RABEP1: variants seen among roughly 807,000 people sequenced by gnomAD.
RABEP1 encodes the protein rabaptin, RAB GTPase binding effector protein 1.
A neutral mutation model predicts 123.4 loss-of-function variants in RABEP1; 51 were observed. That is an observed-to-expected ratio of 0.41 (90% CI 0.33 to 0.52). The LOEUF (loss-of-function observed/expected upper bound fraction) is 0.52, where lower values mean the gene tolerates loss of function less well. RABEP1 is among the 20% of genes least tolerant of loss of function. RABEP1 has a pLI of 0.16. For missense variants in RABEP1, 888 were observed against 996.3 expected, an observed-to-expected ratio of 0.89 and a Z score of 1.46; for synonymous variants, 347 against 355.2, an observed-to-expected ratio of 0.98 and a Z score of 0.26.
intron 5 of RABEP1, among the ~76,000 whole-genome samples, chr17:5,342,077 T>C (rs1365462426): frequency 6.6e-6 from 1 of 152,222 alleles, no homozygotes; most frequent in Non-Finnish European, 1.5e-5. Context: ...TACAACAGAT[T>C]GTTAGACCTA....
intron 13 of RABEP1, among the ~76,000 whole-genome samples, chr17:5,376,642 C>T (rs1911015812): frequency 6.6e-6 from 1 of 152,142 alleles, no homozygotes; most frequent in South Asian, 2.1e-4. Flanking sequence ...TAGTACTTTG[C>T]CTCTGGTAGA....
rs1449944716 is a variant in RABEP1 at position 5,332,063 on chromosome 17, C to G, written c.278C>G (p.Thr93Arg). Residue 93 changes from threonine (T) to arginine (R), a missense_variant, in exon 3 of 18, where the codon ACA (threonine) becomes AGA (arginine). Physicochemically the swap from Thr to Arg is moderately conservative, Grantham distance 71. Coordinates refer to ENST00000537505, the MANE Select transcript of RABEP1 (RefSeq NM_004703.6). ...ATGGAGAATATTAAGGCGATTGCCA[C>G]AGTCTCTGAGAACACCAAGCAAGAA... ...AEMENIKAIA[T>R]VSENTKQEAI... 2 of 1,613,990 alleles carry G rather than the reference C, an allele frequency of 1.2e-6. No homozygotes were observed. Among genetic ancestry groups the G allele is most frequent in the Non-Finnish European group, 1.7e-6 (2 of 1,180,024 alleles).
chr17:5,289,226 G>A (rs1420851165), intron 1 of RABEP1, among the ~76,000 whole-genome samples: 1 of 138,878 alleles, frequency 7.2e-6, no homozygotes, highest in African/African-American at 2.7e-5. Context: ...TCTTTCTTTT[G>A]TGGCTTGTCT....
chr17:5,359,670 G>T (rs536109234), intron 8 of RABEP1, among the ~76,000 whole-genome samples: 2 of 152,104 alleles, frequency 1.3e-5, no homozygotes, highest in African/African-American at 4.8e-5. Flanking sequence ...ATTACACCAA[G>T]AATATTTTTA....
rs1910439398 is a variant in RABEP1, at chr17:5,370,476, C to A, written c.1884+2008C>A. ...TGATCCAGGAACCAATCAGTGATCA[C>A]ATATTTCATCTTGTTGCCATGTCGC... On this transcript the variant is annotated intron_variant, in intron 12 of 17. Coordinates refer to ENST00000537505, the MANE Select transcript of RABEP1 (RefSeq NM_004703.6). Among the ~76,000 whole-genome samples, 7 of 152,184 alleles carry A rather than the reference C, an allele frequency of 4.6e-5. No homozygotes were observed. In the South Asian group the frequency reaches 1.4e-3, roughly 31 times the overall value.
chr17:5,305,209 G>GT (rs936741763), intron 1 of RABEP1, among the ~76,000 whole-genome samples: 3 of 148,344 alleles, frequency 2.0e-5, no homozygotes, highest in South Asian at 2.1e-4. Context: ...GTAAAAAGCA[G>GT]TTTTTTTTGT....
In RABEP1 at chr17:5,322,689, G is replaced by A. The variant is rs994289486; in HGVS notation, c.164-9260G>A. Among the ~76,000 whole-genome samples, 8 of 152,126 alleles carry A rather than the reference G, an allele frequency of 5.3e-5. No homozygotes were observed. In the South Asian group the frequency reaches 1.7e-3, roughly 32 times the overall value. ...ACATATTAAAAAGATCAGCCACCAC[G>A]ATCAAGTAGATTACTCCTGAGGAGG... On this transcript the variant is annotated intron_variant, in intron 2 of 17. Transcript: ENST00000537505.
intron 13 of RABEP1, among the ~76,000 whole-genome samples, chr17:5,376,426 T>C (rs924878463): frequency 1.3e-5 from 2 of 152,244 alleles, no homozygotes; most frequent in Non-Finnish European, 2.9e-5. Flanking sequence ...CTTAGGAAAT[T>C]TTAAAAACTG....
chr17:5,381,278 C>T (rs1262122985), intron 16 of RABEP1, 111 bp from the exon 17 acceptor site: 30 of 1,479,052 alleles, frequency 2.0e-5, no homozygotes, highest in East Asian at 2.4e-5. Context: ...AGGAGTGCGA[C>T]GGATATCCAC....
chr17:5,381,627 C>T, intron 17 of RABEP1, 122 bp downstream of exon 17: 2 of 1,428,682 alleles, frequency 1.4e-6, no homozygotes, highest in Non-Finnish European at 9.2e-7. Context: ...CTCCTACCTC[C>T]ACCCCAAATG....
At chr17:5,322,188 G>A (rs1323645771) in intron 2 of RABEP1, among the ~76,000 whole-genome samples, 1 of 151,966 alleles carries the variant, frequency 6.6e-6, no homozygotes, top group Non-Finnish European at 1.5e-5. Context: ...CAACAGAAGT[G>A]AAACTCCATC....
At chr17:5,330,991 T>C (rs1906481995) in intron 2 of RABEP1, among the ~76,000 whole-genome samples, 1 of 147,846 alleles carries the variant, frequency 6.8e-6, no homozygotes, top group Non-Finnish European at 1.5e-5. Context: ...GTCACTGCAC[T>C]CCAGCCTGTG....
At chr17:5,318,107 G>A (rs2075316341) in intron 2 of RABEP1, among the ~76,000 whole-genome samples, 1 of 152,124 alleles carries the variant, frequency 6.6e-6, no homozygotes, top group African/African-American at 2.4e-5. Context: ...CCTGAGTTCT[G>A]TGAGCCCATT....
At chr17:5,346,384 A>G (rs1908063485) in intron 5 of RABEP1, among the ~76,000 whole-genome samples, 1 of 152,238 alleles carries the variant, frequency 6.6e-6, no homozygotes, top group Non-Finnish European at 1.5e-5. Flanking sequence ...AAAGGAAAGC[A>G]AACTTAAAAG....
At position 5,361,540 on chromosome 17, in the gene RABEP1, C is replaced by A. The variant is rs1909537312; in HGVS notation, c.1428C>A (p.Ile476=). 1 of 1,614,066 alleles carries A rather than the reference C, an allele frequency of 6.2e-7. No individual in the cohort carries two copies. Among genetic ancestry groups the A allele is most frequent in the African/African-American group, 1.3e-5 (1 of 74,914 alleles). The part of the protein sequence containing the change: ...FMLTKDQERA[I]KAMTPEQEET... ...TAACCAAAGATCAGGAAAGAGCAAT[C>A]AAGGCGATGACACCAGAACAAGAAG... Residue 476 remains isoleucine (I), a synonymous_variant, in exon 9 of 18, where the codon ATC becomes ATA. Transcript: ENST00000537505.
intron 11 of RABEP1, among the ~76,000 whole-genome samples, chr17:5,367,354 GT>G: frequency 6.6e-6 from 1 of 150,798 alleles, no homozygotes; most frequent in Admixed American, 6.6e-5. Flanking sequence ...TCACTGCAAC[GT>G]CTGCCTCCCA....
chr17:5,367,902 C>A (rs568715886), intron 11 of RABEP1, among the ~76,000 whole-genome samples: 106 of 150,786 alleles, frequency 7.0e-4, no homozygotes, highest in Non-Finnish European at 1.2e-3. Context: ...ATACAGGTGC[C>A]CGCCACCACA....
chr17:5,381,242 T>G, intron 16 of RABEP1, 147 bp from the exon 17 acceptor site: 1 of 1,117,510 alleles, frequency 8.9e-7, no homozygotes, highest in Non-Finnish European at 1.2e-6. Context: ...ACGCTTGCCC[T>G]ATAGATAAAG....
chr17:5,287,140 G>A (rs115121835), intron 1 of RABEP1, among the ~76,000 whole-genome samples: 32 of 152,288 alleles, frequency 2.1e-4, no homozygotes, highest in African/African-American at 7.7e-4. Context: ...GTAACGAGGT[G>A]GAGGCAGATC....
Sources: gnomAD v4.1 joint callset for allele counts (sites outside exome capture counted in the v4.1 genomes callset) on GRCh38, gnomAD v4.1.1 for gene constraint, MANE v1.5 for transcripts, NCBI Gene and HGNC (gene_info 2026-07-23, HGNC 2026-07-21) for gene names.